PTPRD: variants seen among roughly 807,000 people sequenced by gnomAD.
The protein encoded by PTPRD is receptor-type tyrosine-protein phosphatase delta.
In PTPRD, 34 loss-of-function variants were observed where a neutral mutation model predicts 214.5. That is an observed-to-expected ratio of 0.16 (90% CI 0.12 to 0.21). The LOEUF is 0.21. Ranked by LOEUF, PTPRD falls within the 10% of genes least tolerant of loss-of-function variation. The pLI is 1.00. For synonymous variants in PTPRD, 1,128 were observed against 845.7 expected (o/e 1.33, Z -5.79); for missense variants, 2,545 against 2,398.7 (o/e 1.06, Z -1.27).
At chr9:10,458,763 T>C (rs1262799446) in intron 2 of PTPRD, among the ~76,000 whole-genome samples, 2 of 151,462 alleles carry the variant, frequency 1.3e-5, no homozygotes, top group Non-Finnish European at 2.9e-5. Flanking sequence ...TATTTGCAAA[T>C]GATACCCTTT....
intron 3 of PTPRD, among the ~76,000 whole-genome samples, chr9:10,056,800 T>C (rs1353283590): frequency 4.6e-5 from 7 of 152,156 alleles, no homozygotes; most frequent in Non-Finnish European, 1.0e-4. Context: ...AATTAAGCTC[T>C]TTTGCAAGCT....
chr9:10,221,842 G>A (rs934016102), intron 3 of PTPRD, among the ~76,000 whole-genome samples: 1 of 151,476 alleles, frequency 6.6e-6, no homozygotes, highest in Non-Finnish European at 1.5e-5. Context: ...AAGCACTTGT[G>A]AAAGCAAACA....
rs1203625428 is a variant in PTPRD at position 9,987,784 on chromosome 9, T to C, written c.-472+45934A>G. Among the ~76,000 whole-genome samples, 3 of 152,216 alleles carry C rather than the reference T, an allele frequency of 2.0e-5. No individual in the cohort carries two copies. In the East Asian group the frequency reaches 5.8e-4, roughly 29 times the overall value. On this transcript the variant is annotated intron_variant, in intron 4 of 45. Transcript: ENST00000381196. ...CAGTTTACCTAGCAGCATAGTAATG[T>C]ATGGAATAAATTCTTTCTTATATGA...
intron 3 of PTPRD, among the ~76,000 whole-genome samples, chr9:10,166,597 A>G (rs2099160691): frequency 6.6e-6 from 1 of 152,048 alleles, no homozygotes; most frequent in Non-Finnish European, 1.5e-5. Context: ...CAATTTATTC[A>G]TGTTCAATGA....
At chr9:9,863,873 A>T (rs1202943223) in intron 5 of PTPRD, among the ~76,000 whole-genome samples, 1 of 151,934 alleles carries the variant, frequency 6.6e-6, no homozygotes, top group Non-Finnish European at 1.5e-5. Flanking sequence ...AATGGACCCA[A>T]AGATTTGATT....
chr9:9,706,139 A>G (rs2097599696), intron 7 of PTPRD, among the ~76,000 whole-genome samples: 4 of 152,214 alleles, frequency 2.6e-5, no homozygotes, highest in Admixed American at 2.0e-4. Context: ...TACTTCTCTT[A>G]AAACTAATTA....
chr9:9,615,431 C>T (rs1410368997), intron 7 of PTPRD, among the ~76,000 whole-genome samples: 3 of 152,172 alleles, frequency 2.0e-5, no homozygotes, highest in African/African-American at 4.8e-5. Flanking sequence ...CATCTCTGCT[C>T]TCCATTACCA....
At chr9:10,360,893 G>C (rs1469447172) in intron 2 of PTPRD, among the ~76,000 whole-genome samples, 2 of 152,118 alleles carry the variant, frequency 1.3e-5, no homozygotes, top group Admixed American at 6.5e-5. Context: ...GCGAGGTCAG[G>C]AGATCGAGGC....
chr9:10,601,981 G>A (rs1456610622), intron 2 of PTPRD, among the ~76,000 whole-genome samples: 1 of 151,778 alleles, frequency 6.6e-6, no homozygotes, highest in Non-Finnish European at 1.5e-5. Context: ...TTCACTACGT[G>A]TTTACATATC....
chr9:9,809,565 G>T (rs754273086), intron 5 of PTPRD, among the ~76,000 whole-genome samples: 3 of 152,022 alleles, frequency 2.0e-5, no homozygotes, highest in Non-Finnish European at 4.4e-5. Flanking sequence ...CTCCCAGCAG[G>T]ATCAAGTGAT....
intron 3 of PTPRD, among the ~76,000 whole-genome samples, chr9:10,079,297 C>T (rs1329194591): frequency 6.6e-6 from 1 of 152,094 alleles, no homozygotes; most frequent in African/African-American, 2.4e-5. Context: ...TGGCTTTACT[C>T]TTCCAGATGG....
At chr9:8,673,902 C>T (rs1259788201) in intron 12 of PTPRD, among the ~76,000 whole-genome samples, 1 of 152,038 alleles carries the variant, frequency 6.6e-6, no homozygotes, top group Non-Finnish European at 1.5e-5. Context: ...CCCCTGACAC[C>T]CACCCAGTAC....
chr9:8,529,474 C>G (rs1406732155), intron 14 of PTPRD, among the ~76,000 whole-genome samples: 2 of 152,116 alleles, frequency 1.3e-5, no homozygotes, highest in African/African-American at 4.8e-5. Flanking sequence ...ATGTTCCTTA[C>G]AGGGATAAGA....
At chr9:10,263,259 G>C (rs2093816192) in intron 3 of PTPRD, among the ~76,000 whole-genome samples, 1 of 152,198 alleles carries the variant, frequency 6.6e-6, no homozygotes, top group Non-Finnish European at 1.5e-5. Context: ...TTGGAACTGA[G>C]TAACAGGCAG....
In PTPRD at chr9:10,103,385, ATATATATATT is replaced by A. The variant is rs543113592; in HGVS notation, c.-544-69605_-544-69596del. Among the ~76,000 whole-genome samples, 166 of 138,574 alleles carry A rather than the reference ATATATATATT, an allele frequency of 1.2e-3. 11 individuals are homozygous for A. The highest frequency in any genetic ancestry group is 2.1e-3 in the Non-Finnish European group (138 of 64,302). The allele number at this position is 138,574 out of a possible 152,430, so 90.9% of individuals were successfully genotyped here. A position where few individuals can be genotyped will look rare whatever the true frequency, so the allele number is the denominator to read the frequency against. ...ACATTTTAAACTGCATATTATATATATATATATATTTATTTAAGAGCATTGCAGTAAGAAA... is the reference window on the plus strand; with the variant it reads ...ACATTTTAAACTGCATATTATATATATATTTAAGAGCATTGCAGTAAGAAA... On this transcript the variant is annotated intron_variant, in intron 3 of 45. Transcript: ENST00000381196.
At chr9:10,376,024 A>G (rs2097721547) in intron 2 of PTPRD, among the ~76,000 whole-genome samples, 1 of 151,922 alleles carries the variant, frequency 6.6e-6, no homozygotes, top group African/African-American at 2.4e-5. Flanking sequence ...TATTCACACG[A>G]TATTTTTATC....
intron 9 of PTPRD, among the ~76,000 whole-genome samples, chr9:9,274,673 G>A (rs938679837): frequency 1.3e-5 from 2 of 151,072 alleles, no homozygotes; most frequent in African/African-American, 4.8e-5. Context: ...TTTGTCAGAG[G>A]TTGCTCTTGG....
intron 2 of PTPRD, among the ~76,000 whole-genome samples, chr9:10,413,627 C>T (rs1222607062): frequency 6.6e-6 from 1 of 151,632 alleles, no homozygotes; most frequent in Non-Finnish European, 1.5e-5. Context: ...TATATGGAAC[C>T]AAAAAAAGAG....
chr9:10,312,572 T>G (rs2096296556), intron 3 of PTPRD, among the ~76,000 whole-genome samples: 1 of 151,996 alleles, frequency 6.6e-6, no homozygotes, highest in African/African-American at 2.4e-5. Flanking sequence ...CCTGCATCCT[T>G]TACCTGATAT....
Sources: gnomAD v4.1 joint callset for allele counts (sites outside exome capture counted in the v4.1 genomes callset) on GRCh38, gnomAD v4.1.1 for gene constraint, MANE v1.5 for transcripts, NCBI Gene and HGNC (gene_info 2026-07-23, HGNC 2026-07-21) for gene names.